The following TCF7L2 variants were observed in gnomAD, a reference collection of about 807,000 sequenced individuals.
TCF7L2 encodes transcription factor 7-like 2.
Under a neutral mutation model 77.9 loss-of-function variants are expected in TCF7L2, and 23 were observed. The ratio of observed to expected loss-of-function variants is 0.30; its 90% confidence interval spans 0.21 to 0.42. TCF7L2 has a LOEUF of 0.42. TCF7L2 is among the 10% of genes least tolerant of loss of function. The pLI is 1.00. For missense variants in TCF7L2, 654 were observed against 793.1 expected, an observed-to-expected ratio of 0.82 and a Z score of 2.11; for synonymous variants, 413 against 340.2, an observed-to-expected ratio of 1.21 and a Z score of -2.36.
intron 4 of TCF7L2, among the ~76,000 whole-genome samples, chr10:113,017,624 C>T (rs891125338): frequency 2.0e-5 from 3 of 152,158 alleles, no homozygotes; most frequent in African/African-American, 7.2e-5. Context: ...CTGGAGACAC[C>T]CTCTCTGGTC....
rs187043985 is a variant in TCF7L2 at position 113,141,856 on chromosome 10, G to T, written c.685+540G>T. Among the ~76,000 whole-genome samples the T allele has an allele frequency of 2.6e-5, 4 of 152,254 alleles. No individual in the cohort carries two copies. The East Asian group carries it at 5.8e-4, about 22-fold the overall frequency. ...GCATTTTCTTTGCTAATTTATTTAG[G>T]TTCTTTTTCCCCTACAATATTCTAG... On this transcript the variant is annotated intron_variant, in intron 6 of 13. Transcript: ENST00000627217.
chr10:112,995,637 A>G (rs1402968031), intron 4 of TCF7L2, among the ~76,000 whole-genome samples: 1 of 152,134 alleles, frequency 6.6e-6, no homozygotes, highest in East Asian at 1.9e-4. Context: ...CTGTGACTCA[A>G]ATTATCTTCT....
intron 5 of TCF7L2, chr10:113,126,075 C>T (rs1374194226): frequency 6.7e-6 from 1 of 149,490 alleles, no homozygotes; most frequent in Admixed American, 6.7e-5. Context: ...GGACCATTTG[C>T]TTTAAAGGAA....
At chr10:113,078,001 G>A (rs900824959) in intron 5 of TCF7L2, among the ~76,000 whole-genome samples, 7 of 151,750 alleles carry the variant, frequency 4.6e-5, no homozygotes, top group Non-Finnish European at 1.0e-4. Flanking sequence ...CTCCCAAAGT[G>A]CTGGGATTAC....
chr10:113,019,465 T>C (rs2047927285), intron 4 of TCF7L2, among the ~76,000 whole-genome samples: 1 of 152,198 alleles, frequency 6.6e-6, no homozygotes, highest in African/African-American at 2.4e-5. Context: ...TTTTTGGTCA[T>C]AGGACTTCAC....
intron 5 of TCF7L2, among the ~76,000 whole-genome samples, chr10:113,137,753 G>A (rs2067641612): frequency 6.6e-6 from 1 of 152,230 alleles, no homozygotes; most frequent in Non-Finnish European, 1.5e-5. Flanking sequence ...AATGCTTGCA[G>A]TTGCAATTTG....
chr10:112,953,224 T>C (rs1170453875), intron 3 of TCF7L2, among the ~76,000 whole-genome samples: 1 of 152,084 alleles, frequency 6.6e-6, no homozygotes, highest in Non-Finnish European at 1.5e-5. Flanking sequence ...TCATTTTTTT[T>C]ATGGCTAGGG....
intron 6 of TCF7L2, among the ~76,000 whole-genome samples, chr10:113,142,327 T>C (rs995815287): frequency 6.6e-5 from 10 of 152,144 alleles, no homozygotes; most frequent in African/African-American, 2.2e-4. Flanking sequence ...CATTGACTGC[T>C]TTTTTCCCAA....
chr10:112,987,416 T>TG (rs2041747505), intron 4 of TCF7L2: 1 of 38,134 alleles, frequency 2.6e-5, no homozygotes, highest in Non-Finnish European at 5.4e-5. Flanking sequence ...GAAGCAGAAG[T>TG]TTTTTTTTTT....
intron 5 of TCF7L2, chr10:113,089,450 C>T (rs764410564): frequency 2.4e-5 from 38 of 1,613,758 alleles, no homozygotes; most frequent in Non-Finnish European, 3.1e-5. Flanking sequence ...ACTTCTACCC[C>T]CCCTCAGACT....
chr10:113,089,659 G>T (rs1335211122), intron 5 of TCF7L2: 16 of 1,315,150 alleles, frequency 1.2e-5, no homozygotes, highest in Non-Finnish European at 1.6e-5. Context: ...AATTCTTGTT[G>T]GGTCACTGTC....
intron 3 of TCF7L2, among the ~76,000 whole-genome samples, chr10:112,961,327 C>T (rs2035164815): frequency 6.6e-6 from 1 of 150,788 alleles, no homozygotes; most frequent in Non-Finnish European, 1.5e-5. Context: ...CGGCCAGAAC[C>T]TGGTTTTTAA....
At chr10:113,144,231 C>T (rs2068915991) in intron 7 of TCF7L2, among the ~76,000 whole-genome samples, 1 of 151,654 alleles carries the variant, frequency 6.6e-6, no homozygotes, top group Non-Finnish European at 1.5e-5. Context: ...ACAGGCAAAT[C>T]CACAGCCATT....
intron 5 of TCF7L2, among the ~76,000 whole-genome samples, chr10:113,098,049 C>CA (rs34632183): frequency 0.017 from 1,004 of 59,008 alleles, 12 homozygotes; most frequent in East Asian, 0.042. Flanking sequence ...GACTCTGTCT[C>CA]AAAAAAAAAA....
chr10:113,033,120 TC>T (rs1475443788), intron 4 of TCF7L2, among the ~76,000 whole-genome samples: 4 of 152,126 alleles, frequency 2.6e-5, no homozygotes, highest in African/African-American at 7.2e-5. Context: ...AACCTTAATA[TC>T]TTACTTAAAT....
At chr10:112,972,623 A>T (rs1024564454) in intron 4 of TCF7L2, among the ~76,000 whole-genome samples, 1 of 152,088 alleles carries the variant, frequency 6.6e-6, no homozygotes, top group South Asian at 2.1e-4. Context: ...GGTATGCATC[A>T]CCACACCTGG....
intron 6 of TCF7L2, among the ~76,000 whole-genome samples, chr10:113,141,519 T>A (rs2068380545): frequency 6.6e-6 from 1 of 152,150 alleles, no homozygotes; most frequent in Non-Finnish European, 1.5e-5. Flanking sequence ...GGTTTTCCAC[T>A]CCCTTTGGAG....
chr10:112,993,775 G>A (rs1312775710), intron 4 of TCF7L2, among the ~76,000 whole-genome samples: 1 of 151,998 alleles, frequency 6.6e-6, no homozygotes, highest in Non-Finnish European at 1.5e-5. Context: ...TGAAAGTAGT[G>A]GCTGGGCACG....
chr10:113,126,699 C>CGGCGCT, intron 5 of TCF7L2: 1 of 985,504 alleles, frequency 1.0e-6, no homozygotes, highest in Non-Finnish European at 1.2e-6. Flanking sequence ...TCTTGTCTGG[C>CGGCGCT]GGCGCTGCTG....
Sources: gnomAD v4.1 joint callset for allele counts (sites outside exome capture counted in the v4.1 genomes callset) on GRCh38, gnomAD v4.1.1 for gene constraint, MANE v1.5 for transcripts, NCBI Gene and HGNC (gene_info 2026-07-23, HGNC 2026-07-21) for gene names.